Variants in TEAD1 observed in about 807,000 individuals in gnomAD.
TEAD1 encodes TEA domain transcription factor 1.
Under a neutral mutation model 54.9 loss-of-function variants are expected in TEAD1, and 9 were observed. The ratio of observed to expected loss-of-function variants is 0.16; its 90% CI spans 0.10 to 0.29. The LOEUF (loss-of-function observed/expected upper bound fraction) is 0.29. TEAD1 is among the 10% of genes least tolerant of loss of function. TEAD1 has a pLI of 1.00. For synonymous variants in TEAD1, 200 were observed against 187.8 expected (o/e 1.07, Z -0.53); for missense variants, 387 against 535.9 (o/e 0.72, Z 2.74).
At chr11:12,696,226 A>G (rs1015107854) in intron 2 of TEAD1, among the ~76,000 whole-genome samples, 3 of 152,080 alleles carry the variant, frequency 2.0e-5, no homozygotes, top group Non-Finnish European at 4.4e-5. Context: ...TTTGTTTCGT[A>G]ATTGTGTTGG....
At chr11:12,792,978 G>C (rs1410417204) in intron 3 of TEAD1, among the ~76,000 whole-genome samples, 5 of 152,068 alleles carry the variant, frequency 3.3e-5, no homozygotes, top group Admixed American at 3.3e-4. Context: ...GCTTGAGCCA[G>C]GAGTTTGGGG....
chr11:12,900,329 G>C (rs1589973093), intron 9 of TEAD1, among the ~76,000 whole-genome samples: 1 of 151,886 alleles, frequency 6.6e-6, no homozygotes. Context: ...CCAAAGTGCT[G>C]ATATTAAAGG....
chr11:12,831,496 A>G (rs10765996), intron 3 of TEAD1, among the ~76,000 whole-genome samples: 81,570 of 152,064 alleles, frequency 0.54, 22,936 homozygotes, highest in East Asian at 0.75. Flanking sequence ...ATTGTTTGAA[A>G]TGGTTTTTAA....
chr11:12,906,238 C>G (rs1176406681), intron 10 of TEAD1, among the ~76,000 whole-genome samples: 1 of 152,082 alleles, frequency 6.6e-6, no homozygotes, highest in Non-Finnish European at 1.5e-5. Context: ...ATAAAGATCA[C>G]TCATGTTAAA....
chr11:12,745,188 T>G (rs1453176123), intron 2 of TEAD1, among the ~76,000 whole-genome samples: 1 of 152,202 alleles, frequency 6.6e-6, no homozygotes, highest in Non-Finnish European at 1.5e-5. Flanking sequence ...GGGATAATAA[T>G]GAGAGCTTTT....
chr11:12,675,153 G>T (rs1943052361), intron 1 of TEAD1, among the ~76,000 whole-genome samples: 2 of 150,034 alleles, frequency 1.3e-5, no homozygotes, highest in South Asian at 4.1e-4. Flanking sequence ...GCCTGCACGC[G>T]CACACACGCA....
At chr11:12,714,475 G>A (rs1246399373) in intron 2 of TEAD1, among the ~76,000 whole-genome samples, 1 of 152,076 alleles carries the variant, frequency 6.6e-6, no homozygotes, top group South Asian at 2.1e-4. Flanking sequence ...GCTAATTTTT[G>A]TAGTTTTTAT....
At chr11:12,785,642 G>C (rs61878760) in intron 3 of TEAD1, among the ~76,000 whole-genome samples, 1 of 152,176 alleles carries the variant, frequency 6.6e-6, no homozygotes, top group Non-Finnish European at 1.5e-5. Flanking sequence ...TACCGTCCTG[G>C]TCCTATGGCC....
chr11:12,794,089 A>G (rs909307206), intron 3 of TEAD1, among the ~76,000 whole-genome samples: 4 of 152,212 alleles, frequency 2.6e-5, no homozygotes, highest in Non-Finnish European at 2.9e-5. Context: ...GGAAATAGCT[A>G]TGGGAGAGTA....
intron 2 of TEAD1, among the ~76,000 whole-genome samples, chr11:12,685,936 T>C (rs1203571680): frequency 6.6e-6 from 1 of 152,188 alleles, no homozygotes; most frequent in Admixed American, 6.5e-5. Context: ...CTGCTCTACC[T>C]AGCTTTTTTC....
chr11:12,764,097 T>G lies in TEAD1; in HGVS notation c.-54-82T>G, dbSNP rs1945155316. On this transcript the variant is annotated intron_variant, in intron 2 of 12. Transcript: ENST00000527636. ...AAATGAAATGAAAAAAGCTGGTGAC[T>G]GAAGAACTTGCACTAGAGCTAGCAA... is the stretch of plus-strand genomic sequence containing the variant. 4.6e-6 allele frequency: 4 copies of G among 860,354 alleles called. No homozygotes were observed. In the South Asian group the frequency reaches 5.4e-5, roughly 12 times the overall value. The allele number at this position is 860,354 out of a possible 1,614,324, so 53.3% of individuals were successfully genotyped here.
chr11:12,750,566 G>GAC (rs1020039390), intron 2 of TEAD1, among the ~76,000 whole-genome samples: 4 of 151,602 alleles, frequency 2.6e-5, no homozygotes, highest in African/African-American at 9.8e-5. Flanking sequence ...CAGACAGACA[G>GAC]ACACACACAC....
chr11:12,818,342 C>A (rs1311756811), intron 3 of TEAD1, among the ~76,000 whole-genome samples: 2 of 152,188 alleles, frequency 1.3e-5, no homozygotes, highest in Non-Finnish European at 2.9e-5. Context: ...ACCACTGTTA[C>A]TATTTTTATA....
chr11:12,764,126 C>G (rs377619669), intron 2 of TEAD1, 53 bp from the exon 3 acceptor site: 1 of 1,140,332 alleles, frequency 8.8e-7, no homozygotes, highest in African/African-American at 1.6e-5. Context: ...CTAGCAAGAG[C>G]ATTATGTTTG....
At chr11:12,917,340 A>G (rs1159932828) in intron 10 of TEAD1, among the ~76,000 whole-genome samples, 2 of 152,148 alleles carry the variant, frequency 1.3e-5, no homozygotes, top group Non-Finnish European at 1.5e-5. Flanking sequence ...CTGTCTAGTA[A>G]GGAGTTGCGT....
chr11:12,797,309 T>G (rs1369184008), intron 3 of TEAD1, among the ~76,000 whole-genome samples: 1 of 152,208 alleles, frequency 6.6e-6, no homozygotes, highest in East Asian at 1.9e-4. Flanking sequence ...TAGCTGATCT[T>G]TTGGACAATC....
chr11:12,786,025 A>G (rs1945670083), intron 3 of TEAD1, among the ~76,000 whole-genome samples: 1 of 152,160 alleles, frequency 6.6e-6, no homozygotes, highest in Non-Finnish European at 1.5e-5. Context: ...CAGCCATGCA[A>G]TCTTCTGCCT....
chr11:12,749,309 TTAATC>T (rs1350307725), intron 2 of TEAD1, among the ~76,000 whole-genome samples: 8 of 152,136 alleles, frequency 5.3e-5, no homozygotes, highest in Non-Finnish European at 1.2e-4. Context: ...TACATTTTAA[TTAATC>T]TAAGGGGCTG....
At chr11:12,767,927 C>T (rs1945239865) in intron 3 of TEAD1, among the ~76,000 whole-genome samples, 1 of 152,198 alleles carries the variant, frequency 6.6e-6, no homozygotes, top group South Asian at 2.1e-4. Context: ...AGCAGGAGGA[C>T]AAGATGAGAG....
Sources: gnomAD v4.1 joint callset for allele counts (sites outside exome capture counted in the v4.1 genomes callset) on GRCh38, gnomAD v4.1.1 for gene constraint, MANE v1.5 for transcripts, NCBI Gene and HGNC (gene_info 2026-07-23, HGNC 2026-07-21) for gene names.